The following PRKN variants were observed in gnomAD, a reference collection of about 807,000 sequenced individuals.
The protein encoded by PRKN is E3 ubiquitin-protein ligase parkin.
PRKN carries 56 observed loss-of-function variants against 59.5 expected under a neutral mutation model. The ratio of observed to expected loss-of-function variants is 0.94; its 90% CI spans 0.76 to 1.18. The LOEUF (loss-of-function observed/expected upper bound fraction) is 1.18. Among genes scored for constraint, PRKN ranks in the 50% most tolerant of loss-of-function variants. PRKN has a pLI of 0.00. For missense variants in PRKN, 657 were observed against 596.4 expected (o/e 1.10, Z -1.06); for synonymous variants, 250 against 222.1 (o/e 1.13, Z -1.12).
rs1276976844 is a variant in PRKN, at chr6:161,868,174, G to T, written c.735-82266C>A. Among the ~76,000 whole-genome samples, 10 of 152,102 alleles carry T rather than the reference G, an allele frequency of 6.6e-5. No individual in the cohort carries two copies. The East Asian group carries it at 1.5e-3, about 23-fold the overall frequency. ...GATTATTCCATCCTTGTTTACAACT[G>T]CTATCTTCTCCCGTGTATAACTAGC... On this transcript the variant is annotated intron_variant, in intron 6 of 11. Coordinates refer to ENST00000366898, the MANE Select transcript of PRKN (RefSeq NM_004562.3).
intron 7 of PRKN, among the ~76,000 whole-genome samples, chr6:161,608,433 T>C (rs1229248758): frequency 6.6e-6 from 1 of 152,146 alleles, no homozygotes; most frequent in Non-Finnish European, 1.5e-5. Context: ...AGGCACATGT[T>C]GTGTACAGCA....
intron 1 of PRKN, among the ~76,000 whole-genome samples, chr6:162,596,250 TTC>T (rs1359974763): frequency 1.3e-5 from 2 of 152,208 alleles, no homozygotes; most frequent in African/African-American, 4.8e-5. Context: ...TTATCAATTT[TTC>T]TTTTTCTTTT....
chr6:161,855,846 G>A (rs985373948), intron 6 of PRKN, among the ~76,000 whole-genome samples: 67 of 152,208 alleles, frequency 4.4e-4, no homozygotes, highest in Admixed American at 1.0e-3. Context: ...AAAATCCTTC[G>A]TAAATATTAT....
chr6:162,635,394 G>A (rs1481039050), intron 1 of PRKN, among the ~76,000 whole-genome samples: 1 of 152,138 alleles, frequency 6.6e-6, no homozygotes, highest in African/African-American at 2.4e-5. Context: ...TTGGCTTTTA[G>A]GGTGAAATCA....
chr6:161,468,155 T>G lies in PRKN; in HGVS notation c.1083+80699A>C, dbSNP rs1790575616. 6.6e-6 allele frequency among the ~76,000 whole-genome samples: 1 copy of G among 152,194 alleles called. No homozygotes were observed. Among genetic ancestry groups the G allele is most frequent in the South Asian group, 2.1e-4 (1 of 4,824 alleles). On this transcript the variant is annotated intron_variant, in intron 9 of 11. Transcript: ENST00000366898. This position sits in a 1 kb window ranked among gnomAD's most constrained non-coding sequence, Gnocchi z 5.9. ...ACCTAGCTAATTTTTGTATTTTTAGTAGAGACGGGGTTTCGCCATGTTGGC... is the reference window on the plus strand; with the variant it reads ...ACCTAGCTAATTTTTGTATTTTTAGGAGAGACGGGGTTTCGCCATGTTGGC...
At chr6:162,077,975 T>C (rs1372538242) in intron 4 of PRKN, among the ~76,000 whole-genome samples, 1 of 143,444 alleles carries the variant, frequency 7.0e-6, no homozygotes, top group African/African-American at 2.6e-5. Context: ...CACAGCAGCC[T>C]GGGCAACAGA....
Position 161,554,627 on chromosome 6 carries a change from T to C in PRKN, c.934-5624A>G, listed in dbSNP as rs990009517. Among the ~76,000 whole-genome samples the C allele has an allele frequency of 6.6e-6, 1 of 151,970 alleles. No homozygotes were observed. The highest frequency in any genetic ancestry group is 6.6e-5 in the Admixed American group (1 of 15,238). On this transcript the variant is annotated intron_variant, in intron 8 of 11. Transcript: ENST00000366898. This position sits in a 1 kb window ranked among gnomAD's most constrained non-coding sequence, Gnocchi z 4.5. ...AGTTTGGCTGCATAAAAAATCTTTA[T>C]ATTATACATAAAAAGAATATATGGA...
At chr6:161,382,111 CAAAAAAAAA>C (rs59174358) in intron 10 of PRKN, among the ~76,000 whole-genome samples, 1 of 46,284 alleles carries the variant, frequency 2.2e-5, no homozygotes, top group Non-Finnish European at 4.5e-5. Flanking sequence ...GACTCCATCT[CAAAAAAAAA>C]AAAAAAAAAA....
chr6:162,647,928 C>A (rs894495753), intron 1 of PRKN, among the ~76,000 whole-genome samples: 2 of 117,360 alleles, frequency 1.7e-5, no homozygotes, highest in Admixed American at 2.2e-4. Context: ...GTCCTAGAAC[C>A]ATCTCTATAT....
chr6:161,555,632 G>T (rs1780207778), intron 8 of PRKN, among the ~76,000 whole-genome samples: 1 of 152,098 alleles, frequency 6.6e-6, no homozygotes, highest in Non-Finnish European at 1.5e-5. Flanking sequence ...TGCTCAGTGT[G>T]GGGCTTTGTC....
chr6:162,650,138 A>G (rs1415349077), intron 1 of PRKN, among the ~76,000 whole-genome samples: 4 of 152,258 alleles, frequency 2.6e-5, no homozygotes, highest in East Asian at 1.9e-4. Flanking sequence ...TTCTACACCA[A>G]TATATACCGA....
chr6:161,370,600 A>AAAAAAAAAAAAAG lies in PRKN; in HGVS notation c.1168-10396_1168-10395insCTTTTTTTTTTTT, dbSNP rs71004047. Among the ~76,000 whole-genome samples, 12 of 150,382 alleles carry AAAAAAAAAAAAAG rather than the reference A, an allele frequency of 8.0e-5. 1 individual carries two copies. Among genetic ancestry groups the AAAAAAAAAAAAAG allele is most frequent in the Non-Finnish European group, 1.8e-4 (12 of 67,650 alleles). On this transcript the variant is annotated intron_variant, in intron 10 of 11. Coordinates refer to ENST00000366898, the MANE Select transcript of PRKN (RefSeq NM_004562.3). Reference sequence around the variant, plus strand: ...GAGCAAGACTCTGTGTCAAAAAAAAAAAAAAAAAAAAGCCGAATTAGCGCC... The same window carrying AAAAAAAAAAAAAG: ...GAGCAAGACTCTGTGTCAAAAAAAAAAAAAAAAAAAAAGAAAAAAAAAAAGCCGAATTAGCGCC...
chr6:161,516,885 A>G (rs957605855), intron 9 of PRKN, among the ~76,000 whole-genome samples: 2 of 151,554 alleles, frequency 1.3e-5, no homozygotes, highest in African/African-American at 4.8e-5. Flanking sequence ...TGACTCTTAA[A>G]TAAGCCACCA....
rs1787884957 is a variant in PRKN, at chr6:161,417,074, C to T, written c.1084-30197G>A. Among the ~76,000 whole-genome samples the T allele has an allele frequency of 6.6e-6, 1 of 152,174 alleles. No individual in the cohort carries two copies. Among genetic ancestry groups the T allele is most frequent in the African/African-American group, 2.4e-5 (1 of 41,414 alleles). ...AGCTCATGCTCACCCCTCATTCAAG[C>T]TCCAGACCTGGGCCAAGAGCAAGAA... On this transcript the variant is annotated intron_variant, in intron 9 of 11. Coordinates refer to ENST00000366898, the MANE Select transcript of PRKN (RefSeq NM_004562.3). The surrounding 1 kb of genome is among the most constrained non-coding windows in gnomAD (Gnocchi z 5.4).
rs764576972 is a variant in PRKN at position 161,480,955 on chromosome 6, G to A, written c.1083+67899C>T. 7.2e-5 allele frequency among the ~76,000 whole-genome samples: 11 copies of A among 152,216 alleles called. No individual in the cohort carries two copies. Among genetic ancestry groups the A allele is most frequent in the Non-Finnish European group, 1.2e-4 (8 of 68,038 alleles). On this transcript the variant is annotated intron_variant, in intron 9 of 11. Coordinates refer to ENST00000366898, the MANE Select transcript of PRKN (RefSeq NM_004562.3). The surrounding 1 kb of genome is among the most constrained non-coding windows in gnomAD (Gnocchi z 4.1). ...TTTCTCCATGGTAACCGGGCAAGGA[G>A]AAAAGCGCTTCACAGCCACGAAGAG...
intron 2 of PRKN, among the ~76,000 whole-genome samples, chr6:162,328,286 G>T (rs753419184): frequency 5.9e-5 from 9 of 152,066 alleles, no homozygotes; most frequent in Admixed American, 5.9e-4. Flanking sequence ...TTGAACCCAG[G>T]AGACAGGAGA....
intron 6 of PRKN, among the ~76,000 whole-genome samples, chr6:161,902,462 T>C (rs1777953039): frequency 6.6e-6 from 1 of 152,154 alleles, no homozygotes; most frequent in East Asian, 1.9e-4. Context: ...AAAATAATTA[T>C]ATTTTTAGGC....
intron 7 of PRKN, among the ~76,000 whole-genome samples, chr6:161,602,136 T>TCTAAG (rs1782131114): frequency 1.0e-5 from 1 of 95,488 alleles, no homozygotes; most frequent in Non-Finnish European, 2.1e-5. Context: ...ATCTATCTAA[T>TCTAAG]TTGCCTATCG....
In PRKN at chr6:161,386,116, T is replaced by C. The variant is rs1422673762; in HGVS notation, c.1167+678A>G. ...AAAGGATTTATTTGCAAAGATTTGG[T>C]GTTTAAACCCTTGTTAACATCTACA... On this transcript the variant is annotated intron_variant, in intron 10 of 11. Transcript: ENST00000366898. The surrounding 1 kb of genome is among the most constrained non-coding windows in gnomAD (Gnocchi z 4.3). Among the ~76,000 whole-genome samples the C allele has an allele frequency of 5.9e-5, 9 of 152,388 alleles. No homozygotes were observed. The East Asian group carries it at 1.5e-3, about 26-fold the overall frequency.
Sources: gnomAD v4.1 joint callset for allele counts (sites outside exome capture counted in the v4.1 genomes callset) on GRCh38, gnomAD v4.1.1 for gene constraint, Gnocchi (gnomAD v3.1) non-coding constraint, MANE v1.5 for transcripts, NCBI Gene and HGNC (gene_info 2026-07-23, HGNC 2026-07-21) for gene names.